Variants in MAGED1 observed in about 807,000 individuals in gnomAD.
The protein encoded by MAGED1 is melanoma-associated antigen D1.
A neutral mutation model predicts 54.1 loss-of-function variants in MAGED1; 3 were observed. The ratio of observed to expected loss-of-function variants is 0.06; its 90% CI spans 0.03 to 0.14. The LOEUF (loss-of-function observed/expected upper bound fraction) is 0.14, where lower values mean the gene tolerates loss of function less well. Among genes scored for constraint, MAGED1 ranks in the 10% least tolerant of loss-of-function variants. The pLI, the probability that MAGED1 is intolerant of heterozygous loss-of-function variation, is 1.00. For missense variants in MAGED1, 485 were observed against 623.4 expected (o/e 0.78, Z 2.36); for synonymous variants, 217 against 227.3 (o/e 0.95, Z 0.41).
At chrX:51,885,838 TAGC>T (rs1309474969) in intron 1 of MAGED1, among the ~76,000 whole-genome samples, 2 of 110,829 alleles carry the variant, frequency 1.8e-5, no homozygotes, top group African/African-American at 6.6e-5. Context: ...GTGTTTATTG[TAGC>T]ACTATTCACA....
intron 1 of MAGED1, among the ~76,000 whole-genome samples, chrX:51,808,021 C>G (rs1925092803): frequency 8.9e-6 from 1 of 111,930 alleles, no homozygotes; most frequent in Non-Finnish European, 1.9e-5. Flanking sequence ...CCTTAAATAT[C>G]TCAGCATTCA....
intron 1 of MAGED1, among the ~76,000 whole-genome samples, chrX:51,833,804 T>G (rs782737530): frequency 1.8e-5 from 2 of 111,918 alleles, no homozygotes; most frequent in East Asian, 2.8e-4. Flanking sequence ...AATAAAACAA[T>G]GAACACTTTT....
chrX:51,862,802 G>T (rs1335261965), intron 1 of MAGED1, among the ~76,000 whole-genome samples: 1 of 111,400 alleles, frequency 9.0e-6, no homozygotes, highest in Non-Finnish European at 1.9e-5. Flanking sequence ...TTTTTCTATT[G>T]CAGGTGACAT....
chrX:51,827,663 C>T (rs782334065), intron 1 of MAGED1, among the ~76,000 whole-genome samples: 7 of 111,519 alleles, frequency 6.3e-5, no homozygotes, highest in Non-Finnish European at 1.1e-4. Context: ...TGTGAGGAAT[C>T]TCTACCTTGG....
chrX:51,868,326 A>C (rs1343545214), intron 1 of MAGED1, among the ~76,000 whole-genome samples: 3 of 111,067 alleles, frequency 2.7e-5, no homozygotes, highest in Non-Finnish European at 5.7e-5. Context: ...GGGGGACAAG[A>C]AGGGAGAGGA....
chrX:51,889,252 ATAAAAAGTT>A (rs1928347869), upstream of MAGED1, among the ~76,000 whole-genome samples: 1 of 111,880 alleles, frequency 8.9e-6, no homozygotes. Flanking sequence ...TTATTTCAAA[ATAAAAAGTT>A]TAAAAAGTTT....
chrX:51,834,080 G>A (rs1308405007), intron 1 of MAGED1, among the ~76,000 whole-genome samples: 2 of 111,467 alleles, frequency 1.8e-5, no homozygotes, highest in Admixed American at 1.9e-4. Context: ...GTTCATCATG[G>A]TATTTGTAAG....
At chrX:51,888,498 A>G (rs1418125322) in intron 1 of MAGED1, among the ~76,000 whole-genome samples, 1 of 112,294 alleles carries the variant, frequency 8.9e-6, no homozygotes, top group Non-Finnish European at 1.9e-5. Flanking sequence ...GAGAAACTGT[A>G]TCCTTCACAC....
intron 1 of MAGED1, among the ~76,000 whole-genome samples, chrX:51,847,792 G>A (rs1557359380): frequency 8.9e-6 from 1 of 112,013 alleles, no homozygotes; most frequent in African/African-American, 3.2e-5. Context: ...ATTTTGTGGT[G>A]TTTATCTTTC....
At chrX:51,861,747 G>A (rs1557360689) in intron 1 of MAGED1, among the ~76,000 whole-genome samples, 2 of 111,293 alleles carry the variant, frequency 1.8e-5, no homozygotes, top group African/African-American at 6.5e-5. Context: ...GCAATAGTGC[G>A]ATCTTGGCTC....
At chrX:51,864,388 G>C (rs1258617005) in intron 1 of MAGED1, among the ~76,000 whole-genome samples, 1 of 111,555 alleles carries the variant, frequency 9.0e-6, no homozygotes, top group East Asian at 2.8e-4. Flanking sequence ...TTGTCTATGT[G>C]TCTGTTTTTA....
upstream of MAGED1, among the ~76,000 whole-genome samples, chrX:51,890,808 A>G (rs1928409537): frequency 9.6e-6 from 1 of 104,057 alleles, no homozygotes; most frequent in African/African-American, 3.5e-5. Context: ...ATAAGGAGAT[A>G]CCAATAAATA....
At chrX:51,891,112 CAAAT>C (rs1276038727), upstream of MAGED1, among the ~76,000 whole-genome samples, 3 of 111,632 alleles carry the variant, frequency 2.7e-5, no homozygotes, top group Non-Finnish European at 5.6e-5. Flanking sequence ...AGACTGTTGT[CAAAT>C]AAGATAATTC....
At chrX:51,871,186 A>C (rs1927656629) in intron 1 of MAGED1, among the ~76,000 whole-genome samples, 1 of 111,701 alleles carries the variant, frequency 9.0e-6, no homozygotes, top group Non-Finnish European at 1.9e-5. Flanking sequence ...CCTTTTTAAA[A>C]ATTATTTTTT....
At chrX:51,812,833 A>G (rs1173957083) in intron 1 of MAGED1, among the ~76,000 whole-genome samples, 1 of 109,514 alleles carries the variant, frequency 9.1e-6, no homozygotes, top group Non-Finnish European at 1.9e-5. Context: ...GAACTGCCAA[A>G]CTCTTTTCCA....
intron 1 of MAGED1, among the ~76,000 whole-genome samples, chrX:51,807,193 G>T (rs902429026): frequency 2.9e-4 from 32 of 111,595 alleles, no homozygotes; most frequent in African/African-American, 1.0e-3. Flanking sequence ...GTTTTATTTC[G>T]CATTTCTCTG....
chrX:51,892,798 C>G (rs982660813), upstream of MAGED1, among the ~76,000 whole-genome samples: 2 of 111,451 alleles, frequency 1.8e-5, no homozygotes, highest in Non-Finnish European at 3.8e-5. Context: ...AGACCCAGAC[C>G]CAAATTTTGC....
At chrX:51,855,868 A>T (rs1927067900) in intron 1 of MAGED1, among the ~76,000 whole-genome samples, 2 of 111,220 alleles carry the variant, frequency 1.8e-5, no homozygotes, top group Non-Finnish European at 3.8e-5. Context: ...TTGGATTAGA[A>T]CTCTAATGAT....
chrX:51,809,686 T>C (rs782148889), intron 1 of MAGED1, among the ~76,000 whole-genome samples: 6 of 111,465 alleles, frequency 5.4e-5, no homozygotes, highest in Non-Finnish European at 7.5e-5. Flanking sequence ...TTTTTTTTAA[T>C]TGATGCTGGG....
Sources: gnomAD v4.1 joint callset for allele counts (sites outside exome capture counted in the v4.1 genomes callset) on GRCh38, gnomAD v4.1.1 for gene constraint, MANE v1.5 for transcripts, NCBI Gene and HGNC (gene_info 2026-07-23, HGNC 2026-07-21) for gene names.